Variants in ARHGAP27 observed in about 807,000 individuals in gnomAD.
ARHGAP27 encodes the protein Rho GTPase activating protein 27, also known as rho GTPase-activating protein 27.
ARHGAP27 carries 53 observed loss-of-function variants against 102.0 expected under a neutral mutation model. That is an observed-to-expected ratio of 0.52 (90% CI 0.42 to 0.65). ARHGAP27 has a LOEUF of 0.65. Among genes scored for constraint, ARHGAP27 ranks in the 30% least tolerant of loss-of-function variants. ARHGAP27 has a pLI of 0.00. For synonymous variants in ARHGAP27, 525 were observed against 542.8 expected, an observed-to-expected ratio of 0.97 and a Z score of 0.46; for missense variants, 1,117 against 1,256.2, an observed-to-expected ratio of 0.89 and a Z score of 1.68.
intron 4 of ARHGAP27, among the ~76,000 whole-genome samples, chr17:45,423,911 C>T (rs750458521): frequency 1.2e-4 from 19 of 152,200 alleles, no homozygotes; most frequent in Non-Finnish European, 2.2e-4. Context: ...TCCTATTATT[C>T]AAATATTTGT....
chr17:45,407,223 G>C (rs2144594189), intron 4 of ARHGAP27, among the ~76,000 whole-genome samples: 1 of 152,164 alleles, frequency 6.6e-6, no homozygotes, highest in South Asian at 2.1e-4. Context: ...GTTGCTAGAG[G>C]TCCCCACCGT....
intron 11 of ARHGAP27, 71 bp downstream of exon 11, chr17:45,403,548 C>CT: frequency 7.5e-7 from 1 of 1,331,848 alleles, no homozygotes; most frequent in Non-Finnish European, 1.0e-6. Flanking sequence ...GAGACTCCGT[C>CT]TCAAAAAAAA....
At chr17:45,414,763 A>C (rs997600458) in intron 4 of ARHGAP27, among the ~76,000 whole-genome samples, 2 of 149,518 alleles carry the variant, frequency 1.3e-5, no homozygotes, top group Non-Finnish European at 3.0e-5. Flanking sequence ...TCTCCATCTT[A>C]AAAAGAAAAT....
rs2049939857 is a variant in ARHGAP27 at position 45,430,062 on chromosome 17, G to A, written c.218C>T (p.Pro73Leu). Residue 73 changes from proline (P) to leucine (L), a missense_variant, in exon 4 of 20, where the codon CCT (proline) becomes CTT (leucine). Physicochemically the swap from Pro to Leu is moderately conservative, Grantham distance 98. Transcript: ENST00000685559. This position sits in a 1 kb window ranked among gnomAD's most constrained non-coding sequence, Gnocchi z 4.4. ...YVRELPALGNPAAAAPPGPHP... is the reference protein window; with the variant it reads ...YVRELPALGNLAAAAPPGPHP... ...GGGACCTGGCGGCGCGGCGGCGGCAGGGTTGCCCAGCGCGGGCAGCTCGCG... is the reference window on the plus strand; with the variant it reads ...GGGACCTGGCGGCGCGGCGGCGGCAAGGTTGCCCAGCGCGGGCAGCTCGCG... The A allele has an allele frequency of 5.3e-6, 7 of 1,317,368 alleles. No homozygotes were observed. In the South Asian group the frequency reaches 1.3e-4, roughly 25 times the overall value. 81.6% of individuals were successfully genotyped at this position (1,317,368 alleles called of 1,614,324 possible).
intron 5 of ARHGAP27, among the ~76,000 whole-genome samples, 164 bp from the exon 6 acceptor site, chr17:45,405,270 G>A (rs559071282): frequency 3.4e-5 from 5 of 149,060 alleles, no homozygotes; most frequent in African/African-American, 4.9e-5. Context: ...CTCACCCTCT[G>A]GTCCCTGGGG....
At chr17:45,404,799 CT>C (rs2046928386) in intron 6 of ARHGAP27, 118 bp from the exon 7 acceptor site, 1 of 1,513,534 alleles carries the variant, frequency 6.6e-7, no homozygotes, top group East Asian at 2.3e-5. Context: ...GTGCAGGTGA[CT>C]GTGTTTGGCT....
intron 12 of ARHGAP27, among the ~76,000 whole-genome samples, chr17:45,402,452 G>A (rs1184702338): frequency 6.6e-6 from 1 of 152,158 alleles, no homozygotes; most frequent in Non-Finnish European, 1.5e-5. Flanking sequence ...CCTGAGAATG[G>A]TAGCCCCAAT....
At chr17:45,400,077 C>T (rs907558989) in intron 12 of ARHGAP27, among the ~76,000 whole-genome samples, 7 of 152,098 alleles carry the variant, frequency 4.6e-5, no homozygotes, top group Admixed American at 2.6e-4. Context: ...GTGACAGCAT[C>T]ACTTCAGTCC....
intron 14 of ARHGAP27, 49 bp from the exon 15 acceptor site, chr17:45,396,839 G>T (rs766860936): frequency 6.2e-7 from 1 of 1,606,880 alleles, no homozygotes; most frequent in Non-Finnish European, 8.5e-7. Flanking sequence ...GCCAGGGCAG[G>T]CCAGGCAGGC....
chr17:45,420,676 C>T (rs533400074), intron 4 of ARHGAP27, among the ~76,000 whole-genome samples: 3 of 151,980 alleles, frequency 2.0e-5, no homozygotes, highest in Non-Finnish European at 2.9e-5. Context: ...TGATTTTGGC[C>T]GGGCGCAGTG....
At chr17:45,406,924 G>A (rs1292025522) in intron 4 of ARHGAP27, among the ~76,000 whole-genome samples, 1 of 152,218 alleles carries the variant, frequency 6.6e-6, no homozygotes, top group Non-Finnish European at 1.5e-5. Context: ...AGGACAGCCA[G>A]ATGGGCTGGA....
chr17:45,396,932 G>A lies in ARHGAP27; in HGVS notation c.1935C>T (p.Asp645=), dbSNP rs1319806033. ...RLGSWQEKEE[D]ARPNAAAPAL... ...TGCGCACACCTGCATTCGGTCGCGC[G>A]TCCTCCTCTTTCTCCTGCCAGCTTC... Residue 645 remains aspartate (D), a synonymous_variant, in exon 14 of 20, where the codon GAC becomes GAT. Coordinates refer to ENST00000685559, the MANE Select transcript of ARHGAP27 (RefSeq NM_001282290.2). The A allele has an allele frequency of 1.4e-5, 23 of 1,606,140 alleles. No homozygotes were observed. The highest frequency in any genetic ancestry group is 1.9e-5 in the Non-Finnish European group (23 of 1,179,976).
At chr17:45,424,970 A>T (rs992107953) in intron 4 of ARHGAP27, among the ~76,000 whole-genome samples, 2 of 142,658 alleles carry the variant, frequency 1.4e-5, no homozygotes, top group African/African-American at 2.6e-5. Context: ...CACAGGCTCC[A>T]GCGAGACCTG....
In ARHGAP27 at chr17:45,429,629, T is replaced by C; in HGVS notation, c.651A>G (p.Ala217=). 2 of 1,581,970 alleles carry C rather than the reference T, an allele frequency of 1.3e-6. No individual in the cohort carries two copies. The highest frequency in any genetic ancestry group is 2.3e-5 in the South Asian group (2 of 87,840). ...DLHVPPPEES[A]EQVDDPPEPV... ...CCAGCGCCCGGGGAGGTACCTGCTCTGCGCTCTCCTCCGGCGGCGGGACGT... is the reference window on the plus strand; with the variant it reads ...CCAGCGCCCGGGGAGGTACCTGCTCCGCGCTCTCCTCCGGCGGCGGGACGT... Residue 217 remains alanine (A), a synonymous_variant, in exon 4 of 20, where the codon GCA becomes GCG. Transcript: ENST00000685559.
chr17:45,397,830 TG>T, intron 13 of ARHGAP27, 118 bp downstream of exon 13: 1 of 807,410 alleles, frequency 1.2e-6, no homozygotes, highest in Non-Finnish European at 1.9e-6. Flanking sequence ...TAGCCATTAG[TG>T]GGGACTGCAT....
At chr17:45,399,736 C>A (rs1480001467) in intron 12 of ARHGAP27, among the ~76,000 whole-genome samples, 1 of 152,046 alleles carries the variant, frequency 6.6e-6, no homozygotes, top group Non-Finnish European at 1.5e-5. Flanking sequence ...CAAGATTATC[C>A]CAGAGAATGG....
intron 11 of ARHGAP27, 41 bp downstream of exon 11, chr17:45,403,578 A>C: frequency 6.8e-7 from 1 of 1,465,348 alleles, no homozygotes; most frequent in Non-Finnish European, 9.3e-7. Flanking sequence ...AAATAAAAAA[A>C]AGCAGATGGG....
rs2145121643 is a variant in ARHGAP27 at position 45,432,221 on chromosome 17, C to T, written c.-156G>A. The T allele has an allele frequency of 6.3e-6, 1 of 159,964 alleles. No homozygotes were observed. Among genetic ancestry groups the T allele is most frequent in the East Asian group, 1.9e-4 (1 of 5,224 alleles). 9.9% of individuals were successfully genotyped at this position (159,964 alleles called of 1,614,324 possible). A position where few individuals can be genotyped will look rare whatever the true frequency, so the allele number is the denominator to read the frequency against. ...GGGCCCACCTCTTCCCTCACCAGGG[C>T]CTTTCCCGGAGCAGCCCGGCCGGGC... On this transcript the variant is annotated 5_prime_UTR_variant, in exon 2 of 20. Coordinates refer to ENST00000685559, the MANE Select transcript of ARHGAP27 (RefSeq NM_001282290.2).
chr17:45,395,943 C>T (rs1419752080), intron 18 of ARHGAP27, 40 bp downstream of exon 18: 4 of 1,577,208 alleles, frequency 2.5e-6, no homozygotes, highest in South Asian at 2.3e-5. Flanking sequence ...TGCCCCGCCA[C>T]GCCCCTACCC....
Sources: allele counts gnomAD v4.1 joint callset (sites outside exome capture counted in the v4.1 genomes callset), GRCh38; gene constraint gnomAD v4.1.1; non-coding constraint Gnocchi (gnomAD v3.1); transcripts MANE v1.5; gene names NCBI Gene and HGNC (gene_info 2026-07-23, HGNC 2026-07-21).